The following CSRNP3 variants were observed in gnomAD, a reference collection of about 807,000 sequenced individuals.
CSRNP3 encodes cysteine/serine-rich nuclear protein 3.
In CSRNP3, 12 loss-of-function variants were observed where a neutral mutation model predicts 48.0. The observed-to-expected ratio is 0.25, with a 90% CI of 0.16 to 0.41. CSRNP3 has a LOEUF of 0.41. Ranked by LOEUF, CSRNP3 falls within the 10% of genes least tolerant of loss-of-function variation. The probability of loss-of-function intolerance (pLI) is 1.00; values close to 1 mark genes in which losing one functional copy is unlikely to be tolerated. For synonymous variants in CSRNP3, 263 were observed against 269.7 expected (o/e 0.98, Z 0.24); for missense variants, 580 against 724.4 (o/e 0.80, Z 2.29).
intron 3 of CSRNP3, among the ~76,000 whole-genome samples, chr2:165,570,610 T>A (rs1347766270): frequency 1.6e-4 from 23 of 144,332 alleles, no homozygotes; most frequent in Middle Eastern, 7.3e-3. Context: ...AAAAAAAAAA[T>A]GGCTGCCTTT....
intron 3 of CSRNP3, among the ~76,000 whole-genome samples, chr2:165,538,462 G>T (rs1684910653): frequency 6.6e-6 from 1 of 151,750 alleles, no homozygotes; most frequent in African/African-American, 2.4e-5. Flanking sequence ...GAACTAGCTA[G>T]GTGCGTATTC....
chr2:165,474,278 A>G (rs535618593), intron 1 of CSRNP3, among the ~76,000 whole-genome samples: 1 of 151,896 alleles, frequency 6.6e-6, no homozygotes, highest in East Asian at 1.9e-4. Context: ...GCCAGGCTTG[A>G]GTGCAGCAGG....
intron 4 of CSRNP3, among the ~76,000 whole-genome samples, chr2:165,595,683 C>T (rs1234794379): frequency 6.6e-6 from 1 of 152,150 alleles, no homozygotes; most frequent in Admixed American, 6.5e-5. Flanking sequence ...AAGTCTCCCC[C>T]AATTGTGCAA....
At chr2:165,557,698 T>C (rs1485267496) in intron 3 of CSRNP3, among the ~76,000 whole-genome samples, 1 of 152,216 alleles carries the variant, frequency 6.6e-6, no homozygotes, top group East Asian at 1.9e-4. Context: ...TGTGTCGTAT[T>C]CATCTCTGCC....
At chr2:165,583,011 C>G (rs1685572378) in intron 3 of CSRNP3, among the ~76,000 whole-genome samples, 1 of 152,180 alleles carries the variant, frequency 6.6e-6, no homozygotes, top group African/African-American at 2.4e-5. Context: ...TAAGCAGACA[C>G]TTGGACAAGT....
At chr2:165,548,352 T>G (rs1685057020) in intron 3 of CSRNP3, among the ~76,000 whole-genome samples, 1 of 152,060 alleles carries the variant, frequency 6.6e-6, no homozygotes, top group Admixed American at 6.6e-5. Context: ...TTCTCAATTG[T>G]AAAATAAGAT....
intron 5 of CSRNP3, among the ~76,000 whole-genome samples, chr2:165,672,481 G>A (rs781715836): frequency 2.6e-5 from 4 of 152,164 alleles, no homozygotes; most frequent in Non-Finnish European, 4.4e-5. Flanking sequence ...GGTCTCATGA[G>A]ACTTATTCAC....
At chr2:165,532,192 C>T (rs1684822520) in intron 3 of CSRNP3, among the ~76,000 whole-genome samples, 3 of 152,172 alleles carry the variant, frequency 2.0e-5, no homozygotes, top group Admixed American at 2.0e-4. Flanking sequence ...AGAGGGAATC[C>T]TCCCTAACTC....
At chr2:165,473,773 C>T (rs1405666333) in intron 1 of CSRNP3, among the ~76,000 whole-genome samples, 3 of 152,036 alleles carry the variant, frequency 2.0e-5, no homozygotes, top group African/African-American at 7.2e-5. Context: ...CTGTCAATTG[C>T]TTAGATTTCA....
At chr2:165,620,674 TAA>T (rs1006231080) in intron 4 of CSRNP3, among the ~76,000 whole-genome samples, 7 of 152,142 alleles carry the variant, frequency 4.6e-5, no homozygotes, top group African/African-American at 1.4e-4. Flanking sequence ...TTCTATAATG[TAA>T]ACCAATAGTA....
intron 5 of CSRNP3, among the ~76,000 whole-genome samples, chr2:165,666,988 A>AAGGAAAGAGAGG (rs1687234043): frequency 2.3e-5 from 2 of 88,810 alleles, no homozygotes; most frequent in African/African-American, 3.4e-5. Context: ...AGAGAGGAAG[A>AAGGAAAGAGAGG]AAGAAAGAGA....
At chr2:165,492,667 C>A (rs546901036) in intron 1 of CSRNP3, among the ~76,000 whole-genome samples, 13 of 139,540 alleles carry the variant, frequency 9.3e-5, no homozygotes, top group African/African-American at 1.6e-4. Context: ...ATATTTTCTT[C>A]TTATTATTTG....
chr2:165,608,340 A>G (rs1368642034), intron 4 of CSRNP3, among the ~76,000 whole-genome samples: 1 of 152,066 alleles, frequency 6.6e-6, no homozygotes, highest in Non-Finnish European at 1.5e-5. Flanking sequence ...AAATTTATGT[A>G]CTTAATGATT....
chr2:165,574,566 T>A (rs907703369), intron 3 of CSRNP3: 63 of 535,844 alleles, frequency 1.2e-4, no homozygotes, highest in African/African-American at 5.3e-4. Context: ...TTTATTTTTT[T>A]AATTTTCTTC....
At chr2:165,545,661 G>A (rs1468580363) in intron 3 of CSRNP3, among the ~76,000 whole-genome samples, 1 of 152,036 alleles carries the variant, frequency 6.6e-6, no homozygotes, top group Non-Finnish European at 1.5e-5. Flanking sequence ...TATTTACTCT[G>A]TGTACCTGGT....
intron 2 of CSRNP3, among the ~76,000 whole-genome samples, chr2:165,514,465 C>A (rs1558921582): frequency 6.6e-6 from 1 of 152,250 alleles, no homozygotes; most frequent in African/African-American, 2.4e-5. Context: ...AAAGTTGCCT[C>A]AGGGTGAGCG....
intron 4 of CSRNP3, among the ~76,000 whole-genome samples, chr2:165,617,706 C>T (rs1686272356): frequency 6.6e-6 from 1 of 152,212 alleles, no homozygotes; most frequent in South Asian, 2.1e-4. Context: ...GGTCCCACAA[C>T]TGGAGGGGAT....
chr2:165,483,865 G>A (rs1170035803), intron 1 of CSRNP3, among the ~76,000 whole-genome samples: 2 of 151,938 alleles, frequency 1.3e-5, no homozygotes, highest in South Asian at 2.1e-4. Flanking sequence ...ACCACCTTGG[G>A]GGTTAGAATT....
intron 2 of CSRNP3, among the ~76,000 whole-genome samples, chr2:165,512,407 T>C (rs1379842630): frequency 1.3e-5 from 2 of 152,218 alleles, no homozygotes; most frequent in Non-Finnish European, 2.9e-5. Context: ...CCTATGCCTT[T>C]AAATAGAGAA....
Sources: gnomAD v4.1 joint callset for allele counts (sites outside exome capture counted in the v4.1 genomes callset) on GRCh38, gnomAD v4.1.1 for gene constraint, MANE v1.5 for transcripts, NCBI Gene and HGNC (gene_info 2026-07-23, HGNC 2026-07-21) for gene names.